Variants in MX2 observed in about 807,000 individuals in gnomAD.
MX2 encodes interferon-induced GTP-binding protein Mx2.
In MX2, 51 loss-of-function variants were observed where a neutral mutation model predicts 74.0. That is an observed-to-expected ratio of 0.69 (90% CI 0.55 to 0.87). MX2 has a LOEUF of 0.87. Ranked by LOEUF, MX2 falls within the 40% of genes least tolerant of loss-of-function variation. MX2 has a pLI of 0.00. For missense variants in MX2, 832 were observed against 908.7 expected, an observed-to-expected ratio of 0.92 and a Z score of 1.09; for synonymous variants, 369 against 339.3, an observed-to-expected ratio of 1.09 and a Z score of -0.96.
At chr21:41,389,302 G>T (rs1416483943) in intron 5 of MX2, among the ~76,000 whole-genome samples, 2 of 152,014 alleles carry the variant, frequency 1.3e-5, no homozygotes, top group Non-Finnish European at 2.9e-5. Flanking sequence ...ATTACTTGCG[G>T]CCAGGAGTTC....
At chr21:41,403,871 G>A in intron 12 of MX2, 2 of 257,390 alleles carry the variant, frequency 7.8e-6, no homozygotes, top group South Asian at 3.7e-5. Flanking sequence ...CCATAGTGCA[G>A]GCAAGCAAGA....
chr21:41,400,486 G>A (rs758348568), intron 10 of MX2, among the ~76,000 whole-genome samples: 33 of 152,142 alleles, frequency 2.2e-4, no homozygotes, highest in Non-Finnish European at 1.2e-4. Flanking sequence ...GGTTCCAGTA[G>A]GGCATGTGTG....
chr21:41,397,775 A>C (rs981093257), intron 8 of MX2, 84 bp downstream of exon 8: 8 of 1,188,772 alleles, frequency 6.7e-6, no homozygotes, highest in Non-Finnish European at 1.0e-5. Flanking sequence ...AAGATGCCCC[A>C]CTGATCTGTC....
chr21:41,374,338 G>A (rs2089369932), intron 1 of MX2, among the ~76,000 whole-genome samples: 1 of 152,242 alleles, frequency 6.6e-6, no homozygotes, highest in South Asian at 2.1e-4. Context: ...AGATGGTGCT[G>A]CCACCTGCCT....
intron 6 of MX2, among the ~76,000 whole-genome samples, chr21:41,395,113 T>G (rs1410607405): frequency 2.0e-5 from 3 of 151,962 alleles, no homozygotes; most frequent in African/African-American, 7.3e-5. Context: ...TTCAAAGTTT[T>G]CAATCCAGTG....
chr21:41,362,253 G>A (rs2089217281), intron 1 of MX2, among the ~76,000 whole-genome samples, 198 bp downstream of exon 1: 1 of 152,140 alleles, frequency 6.6e-6, no homozygotes, highest in African/African-American at 2.4e-5. Context: ...GTAGCCTTGT[G>A]CACAGACAAA....
chr21:41,401,013 C>T (rs755655477), intron 10 of MX2: 2 of 152,232 alleles, frequency 1.3e-5, no homozygotes, highest in Admixed American at 1.3e-4. Flanking sequence ...AGCCCCTAAA[C>T]ACTTTTAAAC....
intron 10 of MX2, among the ~76,000 whole-genome samples, chr21:41,400,093 C>G (rs1026246514): frequency 2.0e-5 from 3 of 152,170 alleles, no homozygotes; most frequent in Non-Finnish European, 4.4e-5. Flanking sequence ...GTGGACACAC[C>G]AGGCACGGAG....
At chr21:41,389,069 A>C (rs1490655287) in intron 5 of MX2, among the ~76,000 whole-genome samples, 1 of 152,148 alleles carries the variant, frequency 6.6e-6, no homozygotes, top group Non-Finnish European at 1.5e-5. Context: ...GGACAGCCCC[A>C]TGGGTGTAGC....
Position 41,380,694 on chromosome 21 carries a change from CCAGCTGTGGAA to C in MX2, c.577+546_577+556del, listed in dbSNP as rs1272349105. ...CCCTCCAAATGCAGACCCCTCTCACCCAGCTGTGGAACAAGTTTCCCAATGCTTGTTCTTGG... is the reference window on the plus strand; with the variant it reads ...CCCTCCAAATGCAGACCCCTCTCACCCAAGTTTCCCAATGCTTGTTCTTGG... On this transcript the variant is annotated intron_variant, in intron 4 of 13. Coordinates refer to ENST00000330714, the MANE Select transcript of MX2 (RefSeq NM_002463.2). This position sits in a 1 kb window ranked among gnomAD's most constrained non-coding sequence, Gnocchi z 4.3. 2.0e-5 allele frequency among the ~76,000 whole-genome samples: 3 copies of C among 152,204 alleles called. No individual in the cohort carries two copies. Among genetic ancestry groups the C allele is most frequent in the Non-Finnish European group, 4.4e-5 (3 of 68,044 alleles).
chr21:41,405,863 C>A (rs1384537999), intron 12 of MX2, among the ~76,000 whole-genome samples: 1 of 143,580 alleles, frequency 7.0e-6, no homozygotes, highest in East Asian at 2.0e-4. Flanking sequence ...TGCCACCACA[C>A]CTGGCTAATT....
At position 41,390,650 on chromosome 21, in the gene MX2, C is replaced by T. The variant is rs760820327; in HGVS notation, c.818C>T (p.Thr273Met). The T allele has an allele frequency of 2.4e-5, 39 of 1,614,028 alleles. No homozygotes were observed. The highest frequency in any genetic ancestry group is 6.7e-5 in the Admixed American group (4 of 60,000). ...CCCTGTAACGTGGACATTGCCACCA[C>T]GGAGGCGCTGAGCATGGCCCATGAG... is the stretch of plus-strand genomic sequence containing the variant. ...VVPCNVDIATTEALSMAHEVD... is the reference protein window; with the variant it reads ...VVPCNVDIATMEALSMAHEVD... The change falls in exon 6 of 14, where the codon ACG becomes ATG. Residue 273 changes from threonine (T) to methionine (M), a missense_variant. Physicochemically the swap from Thr to Met is moderately conservative, Grantham distance 81. Transcript: ENST00000330714.
At chr21:41,373,319 G>T (rs2089349993) in intron 1 of MX2, among the ~76,000 whole-genome samples, 1 of 152,182 alleles carries the variant, frequency 6.6e-6, no homozygotes, top group Non-Finnish European at 1.5e-5. Flanking sequence ...GGCAAGGGGG[G>T]TGTCTGCCAG....
At chr21:41,382,705 G>T in intron 5 of MX2, 141 bp downstream of exon 5, 2 of 1,122,946 alleles carry the variant, frequency 1.8e-6, no homozygotes, top group Middle Eastern at 5.9e-4. Context: ...CCAGGTGGGG[G>T]CCTCATGCCC....
Position 41,402,998 on chromosome 21 carries a change from C to T in MX2, c.1574-269C>T. ...ACTGGTCCAGCCTGGGAGTTGGGGA[C>T]CCCTGATGTAAGGAATAGTCAGAGG... On this transcript the variant is annotated intron_variant, in intron 11 of 13. Coordinates refer to ENST00000330714, the MANE Select transcript of MX2 (RefSeq NM_002463.2). The surrounding 1 kb of genome is among the most constrained non-coding windows in gnomAD (Gnocchi z 4.5). The T allele has an allele frequency of 7.6e-6, 3 of 396,248 alleles. No homozygotes were observed. Among genetic ancestry groups the T allele is most frequent in the Non-Finnish European group, 1.4e-5 (3 of 209,928 alleles). 24.5% of individuals were successfully genotyped at this position (396,248 alleles called of 1,614,324 possible).
Position 41,377,863 on chromosome 21 carries a change from G to C in MX2, c.324G>C (p.Arg108=). The stretch of plus-strand genomic sequence containing the variant: ...GCATTGACCTCATCGACTCCCTGCG[G>C]GCTCTGGGTGTGGAGCAGGACCTGG... ...RPCIDLIDSL[R]ALGVEQDLAL... is the part of the protein sequence containing the mutation. Residue 108 remains arginine, a synonymous_variant, in exon 3 of 14, where the codon CGG becomes CGC. Coordinates refer to ENST00000330714, the MANE Select transcript of MX2 (RefSeq NM_002463.2). The C allele has an allele frequency of 6.2e-7, 1 of 1,614,234 alleles. No individual in the cohort carries two copies. Among genetic ancestry groups the C allele is most frequent in the South Asian group, 1.1e-5 (1 of 91,084 alleles).
chr21:41,397,682 G>T lies in MX2; in HGVS notation c.1140G>T (p.Met380Ile). The T allele has an allele frequency of 6.2e-7, 1 of 1,614,008 alleles. No homozygotes were observed. The highest frequency in any genetic ancestry group is 1.1e-5 in the South Asian group (1 of 91,078). ...AAAGACTTACCACTGAACTCATCATGCATATCCAAGTGAGCCACGTGGGTT... is the reference window on the plus strand; with the variant it reads ...AAAGACTTACCACTGAACTCATCATTCATATCCAAGTGAGCCACGTGGGTT... ...LAERLTTELI[M>I]HIQKSLPLLE... is the part of the protein sequence containing the mutation. The change falls in exon 8 of 14, where the codon ATG (methionine) becomes ATT (isoleucine). Residue 380 changes from methionine (M) to isoleucine (I), a missense_variant. Met to Ile is a conservative substitution (Grantham distance 10). Transcript: ENST00000330714.
chr21:41,375,040 T>C (rs549883324), intron 1 of MX2, among the ~76,000 whole-genome samples: 68 of 152,308 alleles, frequency 4.5e-4, no homozygotes, highest in Non-Finnish European at 7.5e-4. Context: ...CATTCCGACC[T>C]CAGGACCTTT....
Position 41,377,880 on chromosome 21 carries a change from A to G in MX2, c.341A>G (p.Gln114Arg). Residue 114 changes from glutamine (Q) to arginine (R), a missense_variant, in exon 3 of 14, where the codon CAG becomes CGG. Coordinates refer to ENST00000330714, the MANE Select transcript of MX2 (RefSeq NM_002463.2). ...TCCCTGCGGGCTCTGGGTGTGGAGC[A>G]GGACCTGGCCCTGCCAGCCATCGCC... The part of the protein sequence containing the change: ...IDSLRALGVE[Q>R]DLALPAIAVI... 6.2e-7 allele frequency: 1 copy of G among 1,614,210 alleles called. No individual in the cohort carries two copies. The highest frequency in any genetic ancestry group is 1.1e-5 in the South Asian group (1 of 91,082).
Sources: allele counts gnomAD v4.1 joint callset (sites outside exome capture counted in the v4.1 genomes callset), GRCh38; gene constraint gnomAD v4.1.1; non-coding constraint Gnocchi (gnomAD v3.1); transcripts MANE v1.5; gene names NCBI Gene and HGNC (gene_info 2026-07-23, HGNC 2026-07-21).